The following SYNPR variants were observed in gnomAD, a reference collection of about 807,000 sequenced individuals.
SYNPR encodes the protein synaptoporin.
SYNPR carries 23 observed loss-of-function variants against 32.9 expected under a neutral mutation model. The ratio of observed to expected loss-of-function variants is 0.70; its 90% confidence interval spans 0.50 to 0.99. SYNPR has a LOEUF of 0.99. Ranked by LOEUF, SYNPR falls within the 50% of genes least tolerant of loss-of-function variation. The pLI is 0.00. For missense variants in SYNPR, 318 were observed against 349.3 expected (o/e 0.91, Z 0.71); for synonymous variants, 146 against 135.9 (o/e 1.07, Z -0.52).
intron 3 of SYNPR, among the ~76,000 whole-genome samples, chr3:63,532,045 A>G (rs1174425782): frequency 2.6e-5 from 4 of 152,180 alleles, no homozygotes; most frequent in Admixed American, 6.5e-5. Flanking sequence ...TTTCTCCCCA[A>G]CTTTTATGAG....
intron 1 of SYNPR, among the ~76,000 whole-genome samples, chr3:63,243,113 G>A (rs1301797205): frequency 6.6e-6 from 1 of 151,904 alleles, no homozygotes; most frequent in Non-Finnish European, 1.5e-5. Flanking sequence ...GAAATTCTAG[G>A]GAGAGAGAGT....
chr3:63,218,907 TG>T, the SYNPR span, among the ~76,000 whole-genome samples: 137 of 152,308 alleles, frequency 9.0e-4, no homozygotes, highest in Non-Finnish European at 1.2e-3. Flanking sequence ...AGCTTTTAAT[TG>T]GTTAATTCAT....
chr3:63,521,057 G>A (rs1338974429), intron 3 of SYNPR, among the ~76,000 whole-genome samples: 2 of 152,192 alleles, frequency 1.3e-5, no homozygotes, highest in East Asian at 1.9e-4. Flanking sequence ...AGAGTGTTAT[G>A]CCTGAAAAGA....
intron 2 of SYNPR, among the ~76,000 whole-genome samples, chr3:63,371,961 G>A (rs1382552881): frequency 6.6e-6 from 1 of 152,112 alleles, no homozygotes; most frequent in Non-Finnish European, 1.5e-5. Context: ...GCAGAGAGGA[G>A]CCCAGTCTCT....
chr3:63,476,491 T>A (rs9833946), intron 2 of SYNPR, among the ~76,000 whole-genome samples: 62,439 of 151,078 alleles, frequency 0.41, 12,827 homozygotes, highest in East Asian at 0.49. Flanking sequence ...TAATGTGATT[T>A]TGAGACACTC....
the SYNPR span, among the ~76,000 whole-genome samples, chr3:63,207,439 C>T: frequency 6.6e-6 from 1 of 152,076 alleles, no homozygotes; most frequent in Non-Finnish European, 1.5e-5. Context: ...GGTATTGTCA[C>T]CAAAGGGAAA....
rs563066107 is a variant in SYNPR at position 63,281,417 on chromosome 3, G to A, written c.84+2675G>A. Among the ~76,000 whole-genome samples, 11 of 152,268 alleles carry A rather than the reference G, an allele frequency of 7.2e-5. 1 individual carries two copies. In the South Asian group the frequency reaches 2.3e-3, roughly 32 times the overall value. On this transcript the variant is annotated intron_variant, in intron 2 of 5. Transcript: ENST00000478300. ...TATATGTATCTTAGTTTTGGGGGTT[G>A]CTATAACAAAACACCATAAACTGGA...
At chr3:63,357,315 G>C (rs2087596273) in intron 2 of SYNPR, among the ~76,000 whole-genome samples, 1 of 152,076 alleles carries the variant, frequency 6.6e-6, no homozygotes, top group Admixed American at 6.6e-5. Context: ...TTGTGCCCTG[G>C]AGCATGGCCT....
chr3:63,426,368 T>C lies in SYNPR; in HGVS notation c.85-54464T>C, dbSNP rs531657616. Among the ~76,000 whole-genome samples the C allele has an allele frequency of 3.3e-5, 5 of 152,326 alleles. No individual in the cohort carries two copies. In the East Asian group the frequency reaches 9.6e-4, roughly 29 times the overall value. ...ACTGTCACCAGTAACCTGCATTCTT[T>C]CCCTACTTTATGTCAGCCACAAAGA... On this transcript the variant is annotated intron_variant, in intron 2 of 5. Transcript: ENST00000478300.
intron 2 of SYNPR, among the ~76,000 whole-genome samples, chr3:63,468,704 G>A (rs181020439): frequency 6.6e-6 from 1 of 152,306 alleles, no homozygotes; most frequent in East Asian, 1.9e-4. Context: ...GGGAGGCTGA[G>A]GCGTGAGGAT....
chr3:63,592,151 TA>T (rs111554238), intron 4 of SYNPR, among the ~76,000 whole-genome samples: 1 of 152,158 alleles, frequency 6.6e-6, no homozygotes, highest in African/African-American at 2.4e-5. Flanking sequence ...GGTGCATCTA[TA>T]AACCAAGCCA....
intron 2 of SYNPR, among the ~76,000 whole-genome samples, chr3:63,376,114 A>G (rs2087892382): frequency 6.6e-6 from 1 of 152,100 alleles, no homozygotes; most frequent in Non-Finnish European, 1.5e-5. Context: ...TCTGAAATCC[A>G]TCTATTTCTC....
rs996893228 is a variant in SYNPR, at chr3:63,616,161, T to A, written c.*680T>A. On this transcript the variant is annotated 3_prime_UTR_variant, in exon 6 of 6. Coordinates refer to ENST00000478300, the MANE Select transcript of SYNPR (RefSeq NM_001130003.2). ...ATTTGTCTCTCTGGCTTTACCCAAG[T>A]TCTGAATGCATTGTAATTAAAATTT... is the stretch of plus-strand genomic sequence containing the variant. 1 of 152,216 alleles carries A rather than the reference T, an allele frequency of 6.6e-6. No individual in the cohort carries two copies. The highest frequency in any genetic ancestry group is 2.4e-5 in the African/African-American group (1 of 41,468). 9.4% of individuals were successfully genotyped at this position (152,216 alleles called of 1,614,324 possible). A position where few individuals can be genotyped will look rare whatever the true frequency, so the allele number is the denominator to read the frequency against.
At chr3:63,307,288 T>C (rs1440573253) in intron 2 of SYNPR, among the ~76,000 whole-genome samples, 1 of 151,916 alleles carries the variant, frequency 6.6e-6, no homozygotes, top group African/African-American at 2.4e-5. Context: ...CCATCCCCAG[T>C]TCTTATATTA....
At chr3:63,511,571 G>C (rs979060195) in intron 3 of SYNPR, among the ~76,000 whole-genome samples, 2 of 152,124 alleles carry the variant, frequency 1.3e-5, no homozygotes, top group Non-Finnish European at 2.9e-5. Context: ...TGCTTTTAAG[G>C]CTTGCCATGT....
intron 2 of SYNPR, among the ~76,000 whole-genome samples, chr3:63,333,793 C>A (rs936123695): frequency 2.0e-5 from 3 of 152,190 alleles, no homozygotes; most frequent in African/African-American, 7.2e-5. Flanking sequence ...AAAATTAAAT[C>A]TGCAACCAAA....
intron 1 of SYNPR, among the ~76,000 whole-genome samples, chr3:63,232,977 C>T (rs1219475820): frequency 6.6e-6 from 1 of 152,118 alleles, no homozygotes; most frequent in African/African-American, 2.4e-5. Context: ...GATATGCTAC[C>T]CTCTAGTGGT....
chr3:63,362,843 C>T (rs1002449217), intron 2 of SYNPR, among the ~76,000 whole-genome samples: 3 of 152,048 alleles, frequency 2.0e-5, no homozygotes, highest in East Asian at 1.9e-4. Flanking sequence ...CCTTTTAGTA[C>T]CTTGATTCTA....
At chr3:63,440,841 C>T (rs1700157659) in intron 2 of SYNPR, among the ~76,000 whole-genome samples, 1 of 152,136 alleles carries the variant, frequency 6.6e-6, no homozygotes, top group Non-Finnish European at 1.5e-5. Flanking sequence ...TGTTAAAGTG[C>T]CCAAGGCCAT....
Sources: allele counts gnomAD v4.1 joint callset (sites outside exome capture counted in the v4.1 genomes callset), GRCh38; gene constraint gnomAD v4.1.1; transcripts MANE v1.5; gene names NCBI Gene and HGNC (gene_info 2026-07-23, HGNC 2026-07-21).